AGBL4: variants seen among roughly 807,000 people sequenced by gnomAD.
AGBL4 encodes the protein AGBL carboxypeptidase 4.
Under a neutral mutation model 66.4 loss-of-function variants are expected in AGBL4, and 58 were observed. The observed-to-expected ratio is 0.87, with a 90% CI of 0.71 to 1.09. AGBL4 has a LOEUF of 1.09. Ranked by LOEUF, AGBL4 falls within the 50% of genes least tolerant of loss-of-function variation. The pLI is 0.00. For missense variants in AGBL4, 579 were observed against 631.0 expected (o/e 0.92, Z 0.88); for synonymous variants, 234 against 222.9 (o/e 1.05, Z -0.44).
chr1:49,784,962 T>A (rs1644417643), intron 2 of AGBL4, among the ~76,000 whole-genome samples: 1 of 152,046 alleles, frequency 6.6e-6, no homozygotes, highest in South Asian at 2.1e-4. Context: ...CATTATAACC[T>A]CAGTTTACTT....
intron 3 of AGBL4, among the ~76,000 whole-genome samples, chr1:49,249,030 T>C (rs1370767498): frequency 6.6e-6 from 1 of 152,104 alleles, no homozygotes; most frequent in Non-Finnish European, 1.5e-5. Flanking sequence ...ATGGTGCTAC[T>C]GAAAATGTGA....
At chr1:49,621,899 T>C (rs1416093304) in intron 3 of AGBL4, among the ~76,000 whole-genome samples, 1 of 152,178 alleles carries the variant, frequency 6.6e-6, no homozygotes, top group Non-Finnish European at 1.5e-5. Context: ...TGGAAACTAA[T>C]AAAAGGCACA....
At chr1:48,910,034 T>G (rs1652952413) in intron 5 of AGBL4, among the ~76,000 whole-genome samples, 1 of 152,190 alleles carries the variant, frequency 6.6e-6, no homozygotes, top group Admixed American at 6.5e-5. Context: ...GCAGTCAAAT[T>G]TTTATTTCCT....
chr1:48,988,136 A>G (rs1193698891), intron 5 of AGBL4, among the ~76,000 whole-genome samples: 1 of 152,114 alleles, frequency 6.6e-6, no homozygotes, highest in African/African-American at 2.4e-5. Flanking sequence ...AATGCTATAT[A>G]CATACACTTA....
At chr1:49,836,844 T>C (rs1472731411) in intron 2 of AGBL4, among the ~76,000 whole-genome samples, 1 of 152,224 alleles carries the variant, frequency 6.6e-6, no homozygotes, top group African/African-American at 2.4e-5. Context: ...CCCTCTGCTA[T>C]AGGTCTGCTA....
intron 6 of AGBL4, among the ~76,000 whole-genome samples, chr1:48,788,882 G>C (rs981397455): frequency 1.3e-5 from 2 of 152,078 alleles, no homozygotes; most frequent in African/African-American, 4.8e-5. Context: ...TTTGTGAAAC[G>C]GGAAAATGAA....
At chr1:49,093,543 A>G (rs1645036947) in intron 4 of AGBL4, among the ~76,000 whole-genome samples, 1 of 152,168 alleles carries the variant, frequency 6.6e-6, no homozygotes. Flanking sequence ...AGTACAGTGT[A>G]AGCAGTACTA....
intron 5 of AGBL4, among the ~76,000 whole-genome samples, chr1:48,995,338 C>T (rs1660920305): frequency 6.6e-6 from 1 of 152,162 alleles, no homozygotes; most frequent in Admixed American, 6.5e-5. Flanking sequence ...ACATTTCAGT[C>T]TCTCTTATTA....
At chr1:49,288,506 A>T (rs1173795633) in intron 3 of AGBL4, among the ~76,000 whole-genome samples, 2 of 152,192 alleles carry the variant, frequency 1.3e-5, no homozygotes, top group Non-Finnish European at 2.9e-5. Flanking sequence ...TGCGAATTTT[A>T]AAAATCATAG....
At chr1:50,008,742 A>C (rs1481313661) in intron 1 of AGBL4, among the ~76,000 whole-genome samples, 1 of 152,074 alleles carries the variant, frequency 6.6e-6, no homozygotes, top group Non-Finnish European at 1.5e-5. Context: ...AAGACAAACA[A>C]AACTGACAAA....
chr1:49,446,951 G>C (rs1243006767), intron 3 of AGBL4, among the ~76,000 whole-genome samples: 3 of 152,084 alleles, frequency 2.0e-5, no homozygotes, highest in Admixed American at 6.5e-5. Context: ...AGTGAGGCAG[G>C]GACCCCATCC....
chr1:48,531,573 C>T (rs909322947), downstream of AGBL4, among the ~76,000 whole-genome samples: 2 of 152,176 alleles, frequency 1.3e-5, no homozygotes, highest in African/African-American at 4.8e-5. Context: ...AGGTTTTCCT[C>T]ATCCTGAGCA....
chr1:49,794,131 G>A (rs1266718698), intron 2 of AGBL4, among the ~76,000 whole-genome samples: 2 of 151,908 alleles, frequency 1.3e-5, no homozygotes, highest in African/African-American at 2.4e-5. Flanking sequence ...AAAACAACAT[G>A]ACTGTGTTTG....
At chr1:49,409,667 C>A (rs184824093) in intron 3 of AGBL4, among the ~76,000 whole-genome samples, 30 of 151,864 alleles carry the variant, frequency 2.0e-4, no homozygotes, top group African/African-American at 7.0e-4. Flanking sequence ...AGTAAAATTG[C>A]GATTATTAAT....
At chr1:49,801,394 A>T (rs1048482489) in intron 2 of AGBL4, among the ~76,000 whole-genome samples, 1 of 152,190 alleles carries the variant, frequency 6.6e-6, no homozygotes, top group Non-Finnish European at 1.5e-5. Flanking sequence ...ACAACGCTTT[A>T]AACAGAGGAC....
intron 1 of AGBL4, among the ~76,000 whole-genome samples, chr1:49,963,560 T>G (rs1553154080): frequency 6.6e-6 from 1 of 152,170 alleles, no homozygotes; most frequent in Non-Finnish European, 1.5e-5. Flanking sequence ...TATTCCAACA[T>G]AGGCCCACCT....
intron 3 of AGBL4, among the ~76,000 whole-genome samples, chr1:49,674,144 C>T (rs774574489): frequency 6.6e-6 from 1 of 151,998 alleles, no homozygotes; most frequent in Admixed American, 6.6e-5. Flanking sequence ...TAAGCACCCA[C>T]GAAAATTGAG....
chr1:49,233,040 A>AT (rs1264833679), intron 4 of AGBL4, among the ~76,000 whole-genome samples: 1 of 152,142 alleles, frequency 6.6e-6, no homozygotes, highest in Non-Finnish European at 1.5e-5. Context: ...ATAATTTATA[A>AT]TTTTTCCCAA....
chr1:49,114,472 C>T (rs893453601), intron 4 of AGBL4, among the ~76,000 whole-genome samples: 3 of 152,138 alleles, frequency 2.0e-5, no homozygotes, highest in African/African-American at 7.2e-5. Flanking sequence ...AGCAATAAGG[C>T]TGTTTTGCTT....
Sources: gnomAD v4.1 joint callset for allele counts (sites outside exome capture counted in the v4.1 genomes callset) on GRCh38, gnomAD v4.1.1 for gene constraint, MANE v1.5 for transcripts, NCBI Gene and HGNC (gene_info 2026-07-23, HGNC 2026-07-21) for gene names.